Variants in UNC13B observed in about 807,000 individuals in gnomAD.
UNC13B encodes unc-13 homolog B, also known as protein unc-13 homolog B.
A neutral mutation model predicts 211.0 loss-of-function variants in UNC13B; 144 were observed. The ratio of observed to expected loss-of-function variants is 0.68; its 90% CI spans 0.60 to 0.78. The LOEUF (loss-of-function observed/expected upper bound fraction) is 0.78, where lower values mean the gene tolerates loss of function less well. Among genes scored for constraint, UNC13B ranks in the 30% least tolerant of loss-of-function variants. The pLI is 0.00. For synonymous variants in UNC13B, 709 were observed against 725.8 expected (o/e 0.98, Z 0.37); for missense variants, 1,777 against 2,002.0 (o/e 0.89, Z 2.14).
At chr9:35,201,188 A>C (rs1209629754) in intron 1 of UNC13B, among the ~76,000 whole-genome samples, 1 of 152,152 alleles carries the variant, frequency 6.6e-6, no homozygotes, top group Admixed American at 6.5e-5. Flanking sequence ...GATGAAGCCC[A>C]CTTGATCATG....
chr9:35,171,032 C>T (rs1821305530), intron 1 of UNC13B, among the ~76,000 whole-genome samples: 1 of 152,076 alleles, frequency 6.6e-6, no homozygotes, highest in Admixed American at 6.6e-5. Flanking sequence ...TAATCTTCAA[C>T]CTGTGGAGTC....
intron 7 of UNC13B, among the ~76,000 whole-genome samples, chr9:35,286,732 T>C (rs981398999): frequency 6.6e-6 from 1 of 152,052 alleles, no homozygotes; most frequent in Admixed American, 6.6e-5. Flanking sequence ...ATAGATTGTG[T>C]CTATATGATA....
chr9:35,325,923 G>C (rs1385728107), intron 11 of UNC13B, among the ~76,000 whole-genome samples: 2 of 152,196 alleles, frequency 1.3e-5, no homozygotes, highest in African/African-American at 2.4e-5. Flanking sequence ...TATGAATAAT[G>C]CAGCTGTGAA....
chr9:35,397,262 A>G lies in UNC13B; in HGVS notation c.11628A>G (p.Glu3876=). The G allele has an allele frequency of 6.2e-7, 1 of 1,614,174 alleles. No individual in the cohort carries two copies. Among genetic ancestry groups the G allele is most frequent in the Non-Finnish European group, 8.5e-7 (1 of 1,180,032 alleles). Residue 3876 remains glutamate, a synonymous_variant, in exon 29 of 40, where the codon GAA becomes GAG. Coordinates refer to ENST00000635942, the MANE Select transcript of UNC13B (RefSeq NM_001371189.2). ...NQSFEIIRKL[E]CPDPSILAHY... Reference sequence around the variant, plus strand: ...GCTTTGAGATCATCCGGAAGCTGGAATGCCCAGACCCCAGCATCCTTGCCC... The same window carrying G: ...GCTTTGAGATCATCCGGAAGCTGGAGTGCCCAGACCCCAGCATCCTTGCCC...
chr9:35,331,715 A>T (rs758248985), intron 11 of UNC13B, among the ~76,000 whole-genome samples: 15 of 151,998 alleles, frequency 9.9e-5, no homozygotes, highest in Non-Finnish European at 2.2e-4. Context: ...CTTTTTCCTC[A>T]TTCTTACTTT....
chr9:35,333,966 T>G (rs28648920), intron 11 of UNC13B, among the ~76,000 whole-genome samples: 2 of 148,514 alleles, frequency 1.3e-5, no homozygotes, highest in East Asian at 2.0e-4. Context: ...TTTTGTTTGT[T>G]TTTTTTTTTG....
intron 10 of UNC13B, among the ~76,000 whole-genome samples, chr9:35,312,186 C>G (rs889263988): frequency 6.6e-6 from 1 of 152,172 alleles, no homozygotes; most frequent in Non-Finnish European, 1.5e-5. Flanking sequence ...ATTTCAAGAT[C>G]TAATAATAAA....
chr9:35,255,037 ATATT>A (rs1484236322), intron 6 of UNC13B, among the ~76,000 whole-genome samples: 21 of 119,558 alleles, frequency 1.8e-4, no homozygotes, highest in Non-Finnish European at 6.6e-5. Flanking sequence ...AATATAATAT[ATATT>A]ATATATAATA....
intron 7 of UNC13B, among the ~76,000 whole-genome samples, chr9:35,289,451 G>A (rs989286166): frequency 3.3e-5 from 5 of 152,098 alleles, no homozygotes; most frequent in African/African-American, 1.2e-4. Context: ...TGTAAGGCAA[G>A]CAAAAACCTG....
intron 7 of UNC13B, 77 bp from the exon 8 acceptor site, chr9:35,295,619 A>G: frequency 7.1e-7 from 1 of 1,415,630 alleles, no homozygotes. Flanking sequence ...ACTTGTTACT[A>G]CTAAGTTAGA....
intron 1 of UNC13B, among the ~76,000 whole-genome samples, chr9:35,201,632 T>C (rs532272477): frequency 1.3e-5 from 2 of 152,352 alleles, no homozygotes; most frequent in South Asian, 4.1e-4. Flanking sequence ...TAGAGGTGTT[T>C]ATATTATTCT....
intron 11 of UNC13B, among the ~76,000 whole-genome samples, chr9:35,344,659 A>G (rs1354206068): frequency 6.6e-6 from 1 of 152,160 alleles, no homozygotes; most frequent in African/African-American, 2.4e-5. Flanking sequence ...CAGATTAATG[A>G]CAACAAGGGT....
chr9:35,284,693 A>G (rs1195776418), intron 7 of UNC13B, among the ~76,000 whole-genome samples: 12 of 152,206 alleles, frequency 7.9e-5, no homozygotes, highest in Non-Finnish European at 4.4e-5. Context: ...GAGAAGTTCT[A>G]CAGTACTTAC....
intron 11 of UNC13B, chr9:35,351,666 C>G (rs1832729073): frequency 8.1e-7 from 1 of 1,232,282 alleles, no homozygotes; most frequent in Non-Finnish European, 1.0e-6. Flanking sequence ...GGATCCTTAC[C>G]AGAGGACAAC....
At chr9:35,208,369 C>T (rs1445966945) in intron 1 of UNC13B, among the ~76,000 whole-genome samples, 1 of 152,182 alleles carries the variant, frequency 6.6e-6, no homozygotes, top group Non-Finnish European at 1.5e-5. Context: ...GGGGCACAAT[C>T]TGAAATAGAT....
chr9:35,208,372 A>C (rs1250158703), intron 1 of UNC13B, among the ~76,000 whole-genome samples: 3 of 152,214 alleles, frequency 2.0e-5, no homozygotes, highest in Admixed American at 6.5e-5. Context: ...GCACAATCTG[A>C]AATAGATCTG....
At chr9:35,186,237 A>G (rs944512669) in intron 1 of UNC13B, among the ~76,000 whole-genome samples, 3 of 152,080 alleles carry the variant, frequency 2.0e-5, no homozygotes, top group Non-Finnish European at 2.9e-5. Context: ...TTCACCACCT[A>G]TTCTCTCTGA....
At chr9:35,384,806 G>A (rs973206177) in intron 22 of UNC13B, 3 of 893,826 alleles carry the variant, frequency 3.4e-6, no homozygotes, top group Admixed American at 6.2e-5. Flanking sequence ...AGGTATAGTA[G>A]GAGGATGGTT....
intron 6 of UNC13B, among the ~76,000 whole-genome samples, chr9:35,243,967 TG>T (rs1825946767): frequency 6.6e-6 from 1 of 152,124 alleles, no homozygotes; most frequent in Non-Finnish European, 1.5e-5. Flanking sequence ...CAGCAGAAAT[TG>T]TTGATAAACA....
Sources: allele counts gnomAD v4.1 joint callset (sites outside exome capture counted in the v4.1 genomes callset), GRCh38; gene constraint gnomAD v4.1.1; transcripts MANE v1.5; gene names NCBI Gene and HGNC (gene_info 2026-07-23, HGNC 2026-07-21).